The following SEPHS1 variants were observed in gnomAD, a reference collection of about 807,000 sequenced individuals.
The protein encoded by SEPHS1 is selenophosphate synthetase 1.
SEPHS1 carries 7 observed loss-of-function variants against 39.2 expected under a neutral mutation model. That is an observed-to-expected ratio of 0.18 (90% confidence interval 0.10 to 0.34). The LOEUF is 0.34. Ranked by LOEUF, SEPHS1 falls within the 10% of genes least tolerant of loss-of-function variation. SEPHS1 has a pLI of 1.00. For missense variants in SEPHS1, 253 were observed against 514.5 expected (o/e 0.49, Z 4.92); for synonymous variants, 190 against 195.5 (o/e 0.97, Z 0.23).
chr10:13,332,942 T>A (rs1564448399), intron 5 of SEPHS1, among the ~76,000 whole-genome samples: 1 of 151,978 alleles, frequency 6.6e-6, no homozygotes, highest in Non-Finnish European at 1.5e-5. Flanking sequence ...GCTAATACTA[T>A]GCTAAGTGAC....
intron 8 of SEPHS1, among the ~76,000 whole-genome samples, chr10:13,321,334 C>T (rs185485806): frequency 6.6e-6 from 1 of 151,910 alleles, no homozygotes; most frequent in Non-Finnish European, 1.5e-5. Flanking sequence ...GCAACCTGTG[C>T]CTCCTGGGTT....
At chr10:13,327,189 C>T (rs1205578475) in intron 7 of SEPHS1, among the ~76,000 whole-genome samples, 4 of 130,790 alleles carry the variant, frequency 3.1e-5, no homozygotes, top group Non-Finnish European at 4.6e-5. Context: ...TGCAGTGAGC[C>T]GAGATCACAC....
At chr10:13,342,438 G>C (rs1833819893) in intron 2 of SEPHS1, among the ~76,000 whole-genome samples, 1 of 151,842 alleles carries the variant, frequency 6.6e-6, no homozygotes, top group African/African-American at 2.4e-5. Flanking sequence ...AAAAAATTTA[G>C]CTGGGTGTGG....
intron 4 of SEPHS1, among the ~76,000 whole-genome samples, chr10:13,335,740 G>A (rs1833608128): frequency 1.3e-5 from 2 of 151,958 alleles, no homozygotes; most frequent in South Asian, 2.1e-4. Flanking sequence ...AGCACTTTGG[G>A]ATGCCGAGAT....
chr10:13,330,446 C>T (rs1321648263), intron 5 of SEPHS1, among the ~76,000 whole-genome samples: 4 of 152,138 alleles, frequency 2.6e-5, no homozygotes, highest in South Asian at 2.1e-4. Flanking sequence ...GTCTTAGAGA[C>T]AGAAGGCAAT....
chr10:13,322,664 G>A (rs899859723), intron 8 of SEPHS1, among the ~76,000 whole-genome samples, 171 bp downstream of exon 8: 5 of 152,106 alleles, frequency 3.3e-5, no homozygotes, highest in Non-Finnish European at 5.9e-5. Context: ...CCAGGATGGC[G>A]GGGACCAGAC....
At chr10:13,329,188 T>C (rs1294664291) in intron 6 of SEPHS1, among the ~76,000 whole-genome samples, 2 of 152,196 alleles carry the variant, frequency 1.3e-5, no homozygotes, top group Non-Finnish European at 2.9e-5. Context: ...ACAAGACATA[T>C]CCTCATTATA....
intron 1 of SEPHS1, among the ~76,000 whole-genome samples, chr10:13,345,741 G>T (rs187635920): frequency 6.6e-6 from 1 of 152,330 alleles, no homozygotes; most frequent in East Asian, 1.9e-4. Flanking sequence ...GCTGGGCGTG[G>T]TGGTGCGCAC....
intron 1 of SEPHS1, chr10:13,347,482 C>G (rs1287433064): frequency 6.7e-6 from 1 of 148,362 alleles, no homozygotes; most frequent in Admixed American, 6.7e-5. Context: ...CCGGGCCATC[C>G]CTGTTCGGGC....
At chr10:13,345,948 A>G (rs909683565) in intron 1 of SEPHS1, among the ~76,000 whole-genome samples, 2 of 152,232 alleles carry the variant, frequency 1.3e-5, no homozygotes, top group African/African-American at 4.8e-5. Flanking sequence ...CAACTTAAAA[A>G]CTACAGTGGC....
In SEPHS1 at chr10:13,319,167, T is replaced by A; in HGVS notation, c.1154A>T (p.Asn385Ile). The A allele has an allele frequency of 6.2e-7, 1 of 1,613,022 alleles. No homozygotes were observed. Among genetic ancestry groups the A allele is most frequent in the African/African-American group, 1.3e-5 (1 of 74,986 alleles). ...VAPQVATQNV[N>I]PTPGATS ...TTAAGAGGTGGCCCCGGGTGTGGGA[T>A]TCACATTTTGAGTGGCCACTTGTGG... The change falls in exon 9 of 9, where the codon AAT becomes ATT. Residue 385 changes from asparagine (N) to isoleucine (I), a missense_variant. Physicochemically the swap from Asn to Ile is moderately radical, Grantham distance 149. Around this residue, in one of 4 missense-constraint regions of SEPHS1, gnomAD observed 19 missense variants for 26.1 expected, o/e 0.73. Transcript: ENST00000327347.
intron 5 of SEPHS1, among the ~76,000 whole-genome samples, chr10:13,332,699 C>T (rs1183712744): frequency 6.6e-6 from 1 of 151,754 alleles, no homozygotes. Flanking sequence ...AAAAATTAGC[C>T]GGGCATGGTG....
At position 13,322,815 on chromosome 10, in the gene SEPHS1, A is replaced by G; in HGVS notation, c.964+20T>C. 1 of 1,609,244 alleles carries G rather than the reference A, an allele frequency of 6.2e-7. No homozygotes were observed. Among genetic ancestry groups the G allele is most frequent in the East Asian group, 2.2e-5 (1 of 44,854 alleles). On this transcript the variant is annotated intron_variant, in intron 8 of 8. Transcript: ENST00000327347. ...GTTAGCCTCACTATTTAGTCCTCAG[A>G]TGCGCCCAGCATCCTGTACCTGAAG... is the stretch of plus-strand genomic sequence containing the variant.
chr10:13,331,441 A>C (rs562314415), intron 5 of SEPHS1, among the ~76,000 whole-genome samples: 24 of 152,212 alleles, frequency 1.6e-4, no homozygotes, highest in Non-Finnish European at 2.8e-4. Flanking sequence ...GCTGGAGTAC[A>C]GTGGCACGAT....
intron 7 of SEPHS1, among the ~76,000 whole-genome samples, chr10:13,326,246 C>T (rs1833285797): frequency 1.3e-5 from 2 of 152,028 alleles, no homozygotes; most frequent in South Asian, 4.1e-4. Flanking sequence ...GAGGCCGAGA[C>T]AGGCGGATCA....
Position 13,324,383 on chromosome 10 carries a change from T to C in SEPHS1, c.752-1336A>G, listed in dbSNP as rs1386475647. On this transcript the variant is annotated intron_variant, in intron 7 of 8. Transcript: ENST00000327347. ...TCCAAGTTCTGGCAATTATGAATAA[T>C]GCTGCTATGAACATTTGTCTGCAGG... Among the ~76,000 whole-genome samples, 3 of 152,238 alleles carry C rather than the reference T, an allele frequency of 2.0e-5. 1 individual carries two copies. The South Asian group carries it at 6.2e-4, about 31-fold the overall frequency.
At chr10:13,337,976 T>C (rs930187744) in intron 3 of SEPHS1, among the ~76,000 whole-genome samples, 1 of 152,206 alleles carries the variant, frequency 6.6e-6, no homozygotes, top group African/African-American at 2.4e-5. Flanking sequence ...CCTGGCATTT[T>C]ATAGCAAACC....
At chr10:13,341,548 T>A (rs1833785540) in intron 2 of SEPHS1, among the ~76,000 whole-genome samples, 1 of 152,122 alleles carries the variant, frequency 6.6e-6, no homozygotes, top group Admixed American at 6.5e-5. Context: ...TTACCATTTC[T>A]TTAATTAGGA....
At chr10:13,340,068 T>A (rs970585634) in intron 2 of SEPHS1, among the ~76,000 whole-genome samples, 1 of 152,252 alleles carries the variant, frequency 6.6e-6, no homozygotes, top group East Asian at 1.9e-4. Context: ...CAAGTTTAAA[T>A]CATATCTGAA....
Sources: allele counts gnomAD v4.1 joint callset (sites outside exome capture counted in the v4.1 genomes callset), GRCh38; gene constraint gnomAD v4.1.1; regional missense constraint gnomAD v4.1.1; transcripts MANE v1.5; gene names NCBI Gene and HGNC (gene_info 2026-07-23, HGNC 2026-07-21).